The following LCLAT1 variants were observed in gnomAD, a reference collection of about 807,000 sequenced individuals.
The protein encoded by LCLAT1 is lysocardiolipin acyltransferase 1, also known as 1-AGP acyltransferase 8.
LCLAT1 carries 11 observed loss-of-function variants against 30.7 expected under a neutral mutation model. The observed-to-expected ratio is 0.36, with a 90% CI of 0.23 to 0.59. The LOEUF is 0.59. LCLAT1 is among the 20% of genes least tolerant of loss of function. The probability of loss-of-function intolerance (pLI) is 0.77; values close to 1 mark genes in which losing one functional copy is unlikely to be tolerated. For missense variants in LCLAT1, 402 were observed against 458.6 expected (o/e 0.88, Z 1.13); for synonymous variants, 155 against 151.3 (o/e 1.02, Z -0.18).
intron 1 of LCLAT1, among the ~76,000 whole-genome samples, chr2:30,461,409 TTTTGTTGTTGTTGG>T (rs1682118810): frequency 1.3e-5 from 2 of 152,038 alleles, no homozygotes; most frequent in Non-Finnish European, 2.9e-5. Flanking sequence ...TTTTTGGTGT[TTTTGTTGTTGTTGG>T]TGTTTTGTTT....
chr2:30,629,953 G>A (rs1437292111), intron 5 of LCLAT1, among the ~76,000 whole-genome samples: 1 of 151,064 alleles, frequency 6.6e-6, no homozygotes, highest in African/African-American at 2.4e-5. Context: ...TTTTTTTAAG[G>A]TACATGTTAT....
At chr2:30,584,885 A>G (rs1276064358) in intron 5 of LCLAT1, among the ~76,000 whole-genome samples, 1 of 150,734 alleles carries the variant, frequency 6.6e-6, no homozygotes, top group African/African-American at 2.4e-5. Flanking sequence ...GGGTGATCGG[A>G]AAAGTTTGCC....
chr2:30,638,291 A>G (rs1572729826), intron 5 of LCLAT1, among the ~76,000 whole-genome samples: 2 of 152,314 alleles, frequency 1.3e-5, no homozygotes, highest in African/African-American at 4.8e-5. Context: ...TATTACTGCT[A>G]TTGAGGTAAA....
At chr2:30,582,688 C>T (rs1034201039) in intron 5 of LCLAT1, among the ~76,000 whole-genome samples, 1 of 152,220 alleles carries the variant, frequency 6.6e-6, no homozygotes, top group African/African-American at 2.4e-5. Flanking sequence ...TTCTCACTCA[C>T]TGACTCACCG....
At chr2:30,468,996 A>G (rs1249315582) in intron 1 of LCLAT1, among the ~76,000 whole-genome samples, 2 of 152,132 alleles carry the variant, frequency 1.3e-5, no homozygotes, top group African/African-American at 4.8e-5. Flanking sequence ...GCATTTCCCC[A>G]ATGATGTATG....
At position 30,640,154 on chromosome 2, in the gene LCLAT1, G is replaced by A. The variant is rs143567069; in HGVS notation, c.666G>A (p.Ala222=). The A allele has an allele frequency of 4.0e-5, 64 of 1,613,722 alleles. No homozygotes were observed. In the African/African-American group the frequency reaches 4.1e-4, roughly 10 times the overall value. ...ATGCTGTCCATGATATCACTGTGGC[G>A]TATCCTCACAACATTCCTCAATCAG... ...NLDAVHDITV[A]YPHNIPQSEK... Residue 222 remains alanine (A), a synonymous_variant, in exon 6 of 6, where the codon GCG becomes GCA. Transcript: ENST00000379509.
chr2:30,531,332 CT>C (rs34316237), intron 2 of LCLAT1, among the ~76,000 whole-genome samples: 1 of 152,080 alleles, frequency 6.6e-6, no homozygotes, highest in African/African-American at 2.4e-5. Context: ...TGCCATGATC[CT>C]TTTTACCAGG....
rs554964566 is a variant in LCLAT1, at chr2:30,639,590, C to T, written c.629-527C>T. Reference sequence around the variant, plus strand: ...CTTACAGGTGTGTGCCCCTGTAGCTCAAGTTGATGTTTTTTAAAATAAAAA... The same window carrying T: ...CTTACAGGTGTGTGCCCCTGTAGCTTAAGTTGATGTTTTTTAAAATAAAAA... On this transcript the variant is annotated intron_variant, in intron 5 of 5. Coordinates refer to ENST00000379509, the MANE Select transcript of LCLAT1 (RefSeq NM_001002257.3). 2.8e-4 allele frequency among the ~76,000 whole-genome samples: 43 copies of T among 152,236 alleles called. No homozygotes were observed. In the South Asian group the frequency reaches 6.4e-3, roughly 23 times the overall value.
At chr2:30,566,598 T>A (rs775170872) in intron 4 of LCLAT1, among the ~76,000 whole-genome samples, 3 of 152,196 alleles carry the variant, frequency 2.0e-5, no homozygotes, top group Non-Finnish European at 2.9e-5. Flanking sequence ...GATCTTAAAT[T>A]TACTCCTAGT....
At chr2:30,529,959 C>T (rs571152993) in intron 2 of LCLAT1, among the ~76,000 whole-genome samples, 3 of 152,218 alleles carry the variant, frequency 2.0e-5, no homozygotes, top group Admixed American at 6.5e-5. Flanking sequence ...GTGAGAGCAG[C>T]GGGCATGATG....
chr2:30,457,668 T>C (rs187155635), intron 1 of LCLAT1, among the ~76,000 whole-genome samples: 2 of 152,352 alleles, frequency 1.3e-5, no homozygotes, highest in African/African-American at 4.8e-5. Context: ...ATCTTATTTG[T>C]TCCCTAATTA....
At chr2:30,588,357 A>G (rs1338428943) in intron 5 of LCLAT1, among the ~76,000 whole-genome samples, 2 of 152,150 alleles carry the variant, frequency 1.3e-5, no homozygotes, top group Non-Finnish European at 2.9e-5. Context: ...CCTTTTTACC[A>G]GTTTCTGCTC....
intron 5 of LCLAT1, among the ~76,000 whole-genome samples, chr2:30,628,737 C>T (rs1377260169): frequency 6.6e-6 from 1 of 152,006 alleles, no homozygotes; most frequent in African/African-American, 2.4e-5. Context: ...AGTTGTTTTG[C>T]TTGAAAAACT....
intron 5 of LCLAT1, among the ~76,000 whole-genome samples, chr2:30,574,032 T>G (rs1448414330): frequency 6.6e-6 from 1 of 151,844 alleles, no homozygotes; most frequent in Non-Finnish European, 1.5e-5. Context: ...ATCCCAGATA[T>G]TCGGGAGGCT....
chr2:30,621,146 T>C (rs1558561855), intron 5 of LCLAT1, among the ~76,000 whole-genome samples: 1 of 152,216 alleles, frequency 6.6e-6, no homozygotes, highest in East Asian at 1.9e-4. Flanking sequence ...ACCCCTCATG[T>C]ATTGTTATTC....
At chr2:30,568,383 C>G (rs1050521243) in intron 5 of LCLAT1, among the ~76,000 whole-genome samples, 5 of 151,468 alleles carry the variant, frequency 3.3e-5, no homozygotes, top group South Asian at 2.1e-4. Flanking sequence ...GTAAAAAATT[C>G]TTTCCCCTTT....
chr2:30,572,180 C>T (rs1665807275), intron 5 of LCLAT1, among the ~76,000 whole-genome samples: 2 of 152,158 alleles, frequency 1.3e-5, no homozygotes, highest in African/African-American at 4.8e-5. Flanking sequence ...CTGCCCACCT[C>T]GCCCCCTTTC....
chr2:30,567,625 G>A (rs941410404), intron 4 of LCLAT1, among the ~76,000 whole-genome samples: 26 of 152,108 alleles, frequency 1.7e-4, no homozygotes, highest in African/African-American at 6.3e-4. Context: ...ACCTCCGGAT[G>A]GGCAGTTACC....
intron 1 of LCLAT1, among the ~76,000 whole-genome samples, chr2:30,505,679 A>T (rs951693899): frequency 6.6e-6 from 1 of 152,146 alleles, no homozygotes; most frequent in Admixed American, 6.5e-5. Context: ...TGGTGCTTTC[A>T]GTTCCTATAC....
Sources: allele counts gnomAD v4.1 joint callset (sites outside exome capture counted in the v4.1 genomes callset), GRCh38; gene constraint gnomAD v4.1.1; transcripts MANE v1.5; gene names NCBI Gene and HGNC (gene_info 2026-07-23, HGNC 2026-07-21).